PCDH15: variants seen among roughly 807,000 people sequenced by gnomAD.
The protein encoded by PCDH15 is protocadherin related 15, also known as protocadherin-15.
In PCDH15, 129 loss-of-function variants were observed where a neutral mutation model predicts 178.5. The observed-to-expected ratio is 0.72, with a 90% CI of 0.63 to 0.84. The LOEUF (loss-of-function observed/expected upper bound fraction) is 0.84, where lower values mean the gene tolerates loss of function less well. Among genes scored for constraint, PCDH15 ranks in the 40% least tolerant of loss-of-function variants. The pLI, the probability that PCDH15 is intolerant of heterozygous loss-of-function variation, is 0.00. For synonymous variants in PCDH15, 800 were observed against 732.0 expected (o/e 1.09, Z -1.50); for missense variants, 2,230 against 2,099.9 (o/e 1.06, Z -1.21).
chr10:54,141,898 A>C (rs1017480572), intron 14 of PCDH15, among the ~76,000 whole-genome samples: 2 of 152,122 alleles, frequency 1.3e-5, no homozygotes, highest in African/African-American at 4.8e-5. Flanking sequence ...CTGAAGAGAG[A>C]TTATTATGTG....
At chr10:55,070,275 T>G (rs1841695913) in intron 2 of PCDH15, among the ~76,000 whole-genome samples, 1 of 152,160 alleles carries the variant, frequency 6.6e-6, no homozygotes, top group Non-Finnish European at 1.5e-5. Context: ...AGAAGCTGTT[T>G]AGTTTAATTA....
At chr10:54,634,402 C>T (rs148736654) in intron 2 of PCDH15, among the ~76,000 whole-genome samples, 2 of 151,998 alleles carry the variant, frequency 1.3e-5, no homozygotes, top group African/African-American at 4.8e-5. Flanking sequence ...GCAGCAGTTA[C>T]AATTTGTTGT....
At position 55,568,303 on chromosome 10, in the gene PCDH15, C is replaced by T. The variant is rs75831852; in HGVS notation, c.-156+59322G>A. Among the ~76,000 whole-genome samples the T allele has an allele frequency of 4.6e-3, 700 of 152,014 alleles. 6 individuals carry two copies. Among genetic ancestry groups the T allele is most frequent in the African/African-American group, 0.016 (667 of 41,500 alleles). On this transcript the variant is annotated intron_variant, in intron 2 of 5. Coordinates refer to the PCDH15 transcript ENST00000613346. Reference sequence around the variant, plus strand: ...GCGTTATATCAAGTAAAATAAGCCACTCACAGAGAGGCAAATACTCTATTA... The same window carrying T: ...GCGTTATATCAAGTAAAATAAGCCATTCACAGAGAGGCAAATACTCTATTA...
At chr10:54,681,015 A>G (rs1199865065) in intron 1 of PCDH15, among the ~76,000 whole-genome samples, 1 of 152,196 alleles carries the variant, frequency 6.6e-6, no homozygotes, top group East Asian at 1.9e-4. Context: ...ATAACAGGGA[A>G]GCAGGCATAC....
At chr10:54,943,200 G>C (rs1269751403) in intron 2 of PCDH15, among the ~76,000 whole-genome samples, 1 of 151,960 alleles carries the variant, frequency 6.6e-6, no homozygotes, top group Non-Finnish European at 1.5e-5. Flanking sequence ...GACTCTAGAG[G>C]AGAATGTGTT....
intron 1 of PCDH15, among the ~76,000 whole-genome samples, chr10:54,684,261 A>C (rs2094953752): frequency 6.6e-6 from 1 of 151,874 alleles, no homozygotes; most frequent in South Asian, 2.1e-4. Context: ...GTACAGCAAT[A>C]AAGGATACAA....
At position 55,519,754 on chromosome 10, in the gene PCDH15, C is replaced by G. The variant is rs867610216; in HGVS notation, c.-156+107871G>C. On this transcript the variant is annotated intron_variant, in intron 2 of 5. Coordinates refer to the PCDH15 transcript ENST00000613346. ...TGTGTATCTTTTTTTTTACAATTTC[C>G]CAGTTGTGAAATTACATTAAAAGCA... 3.9e-4 allele frequency among the ~76,000 whole-genome samples: 59 copies of G among 150,998 alleles called. 1 individual carries two copies. Among genetic ancestry groups the G allele is most frequent in the Middle Eastern group, 6.9e-3 (2 of 290 alleles).
intron 2 of PCDH15, among the ~76,000 whole-genome samples, chr10:55,043,399 T>TAA (rs552471689): frequency 2.0e-5 from 3 of 151,642 alleles, no homozygotes; most frequent in African/African-American, 7.3e-5. Flanking sequence ...TCTGTCTACA[T>TAA]AAAAAAACAG....
chr10:55,388,516 T>TA (rs1837715532), intron 2 of PCDH15, among the ~76,000 whole-genome samples: 1 of 152,128 alleles, frequency 6.6e-6, no homozygotes, highest in Non-Finnish European at 1.5e-5. Context: ...GAGGTATTTT[T>TA]ATAGGATCTT....
intron 1 of PCDH15, chr10:55,166,697 G>A (rs187295926): frequency 1.2e-4 from 19 of 152,196 alleles, no homozygotes; most frequent in Admixed American, 5.9e-4. Flanking sequence ...AATCAAAGTC[G>A]TTACTCTAGT....
intron 10 of PCDH15, among the ~76,000 whole-genome samples, chr10:54,197,999 T>C (rs1237168933): frequency 6.6e-6 from 1 of 152,176 alleles, no homozygotes; most frequent in Non-Finnish European, 1.5e-5. Flanking sequence ...CCTTATGCAT[T>C]TAACTTTTCA....
chr10:54,301,161 G>A (rs2060128831), intron 8 of PCDH15, among the ~76,000 whole-genome samples: 1 of 152,132 alleles, frequency 6.6e-6, no homozygotes, highest in Non-Finnish European at 1.5e-5. Context: ...AAGGTCTGTG[G>A]CTTCATTCTT....
intron 2 of PCDH15, among the ~76,000 whole-genome samples, chr10:54,631,225 C>T (rs2093692726): frequency 6.6e-6 from 1 of 152,080 alleles, no homozygotes; most frequent in African/African-American, 2.4e-5. Flanking sequence ...CTCTTGCTTC[C>T]ACTCTGCCAC....
chr10:55,590,765 A>C (rs1304320647), intron 2 of PCDH15, among the ~76,000 whole-genome samples: 1 of 152,174 alleles, frequency 6.6e-6, no homozygotes, highest in Non-Finnish European at 1.5e-5. Context: ...GCATCTGGTC[A>C]TATGGTATAT....
At chr10:55,101,231 T>C (rs1041608714) in intron 2 of PCDH15, among the ~76,000 whole-genome samples, 1 of 151,554 alleles carries the variant, frequency 6.6e-6, no homozygotes, top group Non-Finnish European at 1.5e-5. Flanking sequence ...ATAGAAAAAA[T>C]AGCTGTGCAG....
intron 2 of PCDH15, among the ~76,000 whole-genome samples, chr10:55,523,160 T>A (rs1158681255): frequency 6.6e-6 from 1 of 151,510 alleles, no homozygotes; most frequent in Non-Finnish European, 1.5e-5. Flanking sequence ...TTCATATTCC[T>A]CCTAAGATTT....
At chr10:53,855,637 G>C (rs567444480) in intron 28 of PCDH15, among the ~76,000 whole-genome samples, 1 of 151,886 alleles carries the variant, frequency 6.6e-6, no homozygotes, top group East Asian at 2.0e-4. Flanking sequence ...TAAAAGTTTA[G>C]TTATCTGACT....
chr10:54,266,971 A>T (rs935855499), intron 8 of PCDH15, among the ~76,000 whole-genome samples: 1 of 151,884 alleles, frequency 6.6e-6, no homozygotes, highest in Admixed American at 6.6e-5. Context: ...TGGCAAATAC[A>T]CACACACAAA....
At chr10:54,043,664 C>G (rs766778292) in intron 18 of PCDH15, among the ~76,000 whole-genome samples, 6 of 152,046 alleles carry the variant, frequency 3.9e-5, no homozygotes, top group Non-Finnish European at 8.8e-5. Context: ...GGTGGGATTA[C>G]AGGTGAGCCA....
Sources: gnomAD v4.1 joint callset for allele counts (sites outside exome capture counted in the v4.1 genomes callset) on GRCh38, gnomAD v4.1.1 for gene constraint, MANE v1.5 for transcripts, NCBI Gene and HGNC (gene_info 2026-07-23, HGNC 2026-07-21) for gene names.